The following BORCS5 variants were observed in gnomAD, a reference collection of about 807,000 sequenced individuals.
BORCS5 encodes BLOC-1-related complex subunit 5.
In BORCS5, 17 loss-of-function variants were observed where a neutral mutation model predicts 22.1. The ratio of observed to expected loss-of-function variants is 0.77; its 90% confidence interval spans 0.53 to 1.15. The LOEUF is 1.15. BORCS5 is among the 50% of genes most tolerant of loss of function. The pLI, the probability that BORCS5 is intolerant of heterozygous loss-of-function variation, is 0.00. For missense variants in BORCS5, 247 were observed against 253.2 expected (o/e 0.98, Z 0.17); for synonymous variants, 117 against 99.8 (o/e 1.17, Z -1.03).
At chr12:12,449,442 T>C (rs1244493033) in intron 3 of BORCS5, among the ~76,000 whole-genome samples, 1 of 152,158 alleles carries the variant, frequency 6.6e-6, no homozygotes, top group African/African-American at 2.4e-5. Context: ...AGGCCTTTTG[T>C]GGGGAGGAGG....
intron 2 of BORCS5, among the ~76,000 whole-genome samples, chr12:12,394,116 A>G (rs1159546877): frequency 1.3e-5 from 2 of 151,936 alleles, no homozygotes; most frequent in Non-Finnish European, 2.9e-5. Flanking sequence ...ACTTGAGGTC[A>G]GGAGTTCTAG....
At chr12:12,384,716 C>G (rs76333535) in intron 2 of BORCS5, among the ~76,000 whole-genome samples, 2 of 151,006 alleles carry the variant, frequency 1.3e-5, no homozygotes, top group Admixed American at 6.6e-5. Context: ...TTTTAAAAGA[C>G]GACAATCACT....
intron 3 of BORCS5, among the ~76,000 whole-genome samples, chr12:12,458,265 TC>T (rs1358605828): frequency 6.6e-6 from 1 of 152,290 alleles, no homozygotes; most frequent in East Asian, 1.9e-4. Context: ...AGATCCCACT[TC>T]CAGGTGATCT....
At chr12:12,412,909 T>C (rs796092013) in intron 2 of BORCS5, among the ~76,000 whole-genome samples, 2 of 132,968 alleles carry the variant, frequency 1.5e-5, no homozygotes, top group African/African-American at 3.2e-5. Flanking sequence ...TCTTTTTTTT[T>C]TTTTTTTTTT....
chr12:12,459,654 A>G (rs149653814), intron 3 of BORCS5, among the ~76,000 whole-genome samples: 123 of 152,282 alleles, frequency 8.1e-4, no homozygotes, highest in African/African-American at 2.7e-3. Flanking sequence ...TAGAAGTTTT[A>G]TAGTTTTAGC....
intron 2 of BORCS5, among the ~76,000 whole-genome samples, chr12:12,421,544 A>G (rs1203078452): frequency 2.0e-5 from 3 of 152,210 alleles, no homozygotes; most frequent in South Asian, 4.1e-4. Flanking sequence ...AGGCTTTGGT[A>G]TCAGGATGCT....
chr12:12,397,786 G>A (rs1192297415), intron 2 of BORCS5, among the ~76,000 whole-genome samples: 2 of 152,142 alleles, frequency 1.3e-5, no homozygotes, highest in Admixed American at 6.5e-5. Context: ...AGTGTTAAGC[G>A]TGAAGTAGTG....
At chr12:12,463,583 G>A (rs1051307331) in intron 3 of BORCS5, among the ~76,000 whole-genome samples, 1 of 152,164 alleles carries the variant, frequency 6.6e-6, no homozygotes, top group Non-Finnish European at 1.5e-5. Context: ...TCCTCTTGCG[G>A]TTTTTTTCTT....
At chr12:12,390,448 A>C (rs1415640691) in intron 2 of BORCS5, among the ~76,000 whole-genome samples, 2 of 152,078 alleles carry the variant, frequency 1.3e-5, no homozygotes, top group Non-Finnish European at 2.9e-5. Context: ...TTTTAAAAGC[A>C]TGTGTCCTAA....
At position 12,392,548 on chromosome 12, in the gene BORCS5, T is replaced by A. The variant is rs74987069; in HGVS notation, c.202+31199T>A. ...GATTAAGAACAGCTGCTCAGCCACT[T>A]CTTAGCTGCACAACACTGGACAAAT... On this transcript the variant is annotated intron_variant, in intron 2 of 3. Transcript: ENST00000314565. Among the ~76,000 whole-genome samples, 1,458 of 152,200 alleles carry A rather than the reference T, an allele frequency of 9.6e-3. 38 individuals are homozygous for A. The highest frequency in any genetic ancestry group is 0.032 in the African/African-American group (1,311 of 41,448).
intron 2 of BORCS5, among the ~76,000 whole-genome samples, chr12:12,418,622 A>G (rs1321014172): frequency 6.6e-6 from 1 of 152,136 alleles, no homozygotes; most frequent in Admixed American, 6.5e-5. Context: ...AGGAATTCGA[A>G]GATACAGTGA....
At chr12:12,450,920 G>C (rs1026523557) in intron 3 of BORCS5, among the ~76,000 whole-genome samples, 1 of 152,142 alleles carries the variant, frequency 6.6e-6, no homozygotes, top group Non-Finnish European at 1.5e-5. Context: ...AGCTGTAACT[G>C]TTATACATTA....
At position 12,435,799 on chromosome 12, in the gene BORCS5, G is replaced by A. The variant is rs370080175; in HGVS notation, c.360+14G>A. On this transcript the variant is annotated intron_variant, in intron 3 of 3. Transcript: ENST00000314565. ...CGAATCAAAGAGGTAATGTGCTGCG[G>A]GAAAATAACATTGCTGACTGGTTGT... 3.2e-5 allele frequency: 51 copies of A among 1,603,326 alleles called. No individual in the cohort carries two copies. Among genetic ancestry groups the A allele is most frequent in the Middle Eastern group, 3.3e-4 (2 of 6,042 alleles).
intron 2 of BORCS5, among the ~76,000 whole-genome samples, chr12:12,400,843 G>GT (rs1941455295): frequency 6.6e-6 from 1 of 151,970 alleles, no homozygotes; most frequent in Non-Finnish European, 1.5e-5. Flanking sequence ...TTTCCTACAT[G>GT]TTTTTGTATA....
intron 2 of BORCS5, among the ~76,000 whole-genome samples, chr12:12,377,201 G>A (rs539083580): frequency 2.0e-5 from 3 of 148,386 alleles, no homozygotes; most frequent in Admixed American, 6.7e-5. Flanking sequence ...TTCTCGAGAC[G>A]GAGTCTTGCT....
chr12:12,408,150 A>C (rs1241887693), intron 2 of BORCS5, among the ~76,000 whole-genome samples: 1 of 152,142 alleles, frequency 6.6e-6, no homozygotes, highest in Non-Finnish European at 1.5e-5. Context: ...CTCTTTTTTA[A>C]GGCTGAATTC....
chr12:12,395,827 G>A (rs989866177), intron 2 of BORCS5, among the ~76,000 whole-genome samples: 1 of 152,066 alleles, frequency 6.6e-6, no homozygotes, highest in African/African-American at 2.4e-5. Context: ...CTGGGCTGGG[G>A]TGGGGATAGT....
At chr12:12,401,796 C>T (rs535148997) in intron 2 of BORCS5, among the ~76,000 whole-genome samples, 11 of 152,126 alleles carry the variant, frequency 7.2e-5, no homozygotes, top group South Asian at 2.1e-4. Flanking sequence ...CGGTGGTTCA[C>T]GCCTGTAATC....
chr12:12,467,792 G>C lies in BORCS5; in HGVS notation c.*2016G>C, dbSNP rs1943226783. On this transcript the variant is annotated 3_prime_UTR_variant, in exon 4 of 4. Transcript: ENST00000314565. ...GAGATTTGCATGAGGTTTGGAAGTG[G>C]AAGTAGAGCAACAGCCATGTGTATT... 1 of 152,244 alleles carries C rather than the reference G, an allele frequency of 6.6e-6. No individual in the cohort carries two copies. Among genetic ancestry groups the C allele is most frequent in the Non-Finnish European group, 1.5e-5 (1 of 68,064 alleles). The allele number at this position is 152,244 out of a possible 1,614,324, so 9.4% of individuals were successfully genotyped here. A position where few individuals can be genotyped will look rare whatever the true frequency, so the allele number is the denominator to read the frequency against.
Sources: allele counts gnomAD v4.1 joint callset (sites outside exome capture counted in the v4.1 genomes callset), GRCh38; gene constraint gnomAD v4.1.1; transcripts MANE v1.5; gene names NCBI Gene and HGNC (gene_info 2026-07-23, HGNC 2026-07-21).